GPRC5B: variants seen among roughly 807,000 people sequenced by gnomAD.
The protein encoded by GPRC5B is G protein-coupled receptor family C group 5 member B.
A neutral mutation model predicts 30.1 loss-of-function variants in GPRC5B; 16 were observed. The ratio of observed to expected loss-of-function variants is 0.53; its 90% CI spans 0.36 to 0.81. The LOEUF is 0.81. Among genes scored for constraint, GPRC5B ranks in the 30% least tolerant of loss-of-function variants. The pLI is 0.01. For synonymous variants in GPRC5B, 241 were observed against 239.5 expected, an observed-to-expected ratio of 1.01 and a Z score of -0.06; for missense variants, 428 against 544.7, an observed-to-expected ratio of 0.79 and a Z score of 2.13.
intron 2 of GPRC5B, among the ~76,000 whole-genome samples, chr16:19,866,825 T>C (rs1361894677): frequency 6.6e-6 from 1 of 152,242 alleles, no homozygotes; most frequent in Non-Finnish European, 1.5e-5. Context: ...GGCTTCGGAA[T>C]GTGTCACTAT....
At chr16:19,879,600 G>A (rs982685925) in intron 1 of GPRC5B, among the ~76,000 whole-genome samples, 1 of 152,086 alleles carries the variant, frequency 6.6e-6, no homozygotes, top group African/African-American at 2.4e-5. Flanking sequence ...AGGCCTGCCC[G>A]GAGGCTACAC....
rs1192984018 is a variant in GPRC5B, at chr16:19,857,848, G to A, written c.*2652C>T. ...CACAGAACTTCCCAGTTTGTAAGCT[G>A]TCAGAGCTGACTCCCTTCTCTTCCC... On this transcript the variant is annotated 3_prime_UTR_variant, in exon 4 of 4. Coordinates refer to ENST00000300571, the MANE Select transcript of GPRC5B (RefSeq NM_016235.3). 6.5e-6 allele frequency: 1 copy of A among 153,516 alleles called. No homozygotes were observed. Among genetic ancestry groups the A allele is most frequent in the African/African-American group, 2.4e-5 (1 of 41,270 alleles). 9.5% of individuals were successfully genotyped at this position (153,516 alleles called of 1,614,324 possible). A position where few individuals can be genotyped will look rare whatever the true frequency, so the allele number is the denominator to read the frequency against.
intron 2 of GPRC5B, among the ~76,000 whole-genome samples, chr16:19,863,038 GT>G (rs1233501419): frequency 6.6e-6 from 1 of 152,192 alleles, no homozygotes; most frequent in Non-Finnish European, 1.5e-5. Context: ...TAGTTATACA[GT>G]TAAGCTTCAC....
chr16:19,858,793 G>A lies in GPRC5B; in HGVS notation c.*1707C>T. On this transcript the variant is annotated 3_prime_UTR_variant, in exon 4 of 4. Coordinates refer to ENST00000300571, the MANE Select transcript of GPRC5B (RefSeq NM_016235.3). ...GGCGGGGTGCTTCCGGGGAGGTCAG[G>A]TGGGGGTGGCATTCTGGGGCCATGC... The A allele has an allele frequency of 2.6e-6, 1 of 380,942 alleles. No individual in the cohort carries two copies. Among genetic ancestry groups the A allele is most frequent in the Non-Finnish European group, 4.6e-6 (1 of 215,396 alleles). 23.6% of individuals were successfully genotyped at this position (380,942 alleles called of 1,614,324 possible). A position where few individuals can be genotyped will look rare whatever the true frequency, so the allele number is the denominator to read the frequency against.
Position 19,858,699 on chromosome 16 carries a change from T to G in GPRC5B, c.*1801A>C. 1 of 443,754 alleles carries G rather than the reference T, an allele frequency of 2.3e-6. No homozygotes were observed. The highest frequency in any genetic ancestry group is 5.1e-5 in the South Asian group (1 of 19,616). 27.5% of individuals were successfully genotyped at this position (443,754 alleles called of 1,614,324 possible). A position where few individuals can be genotyped will look rare whatever the true frequency, so the allele number is the denominator to read the frequency against. Reference sequence around the variant, plus strand: ...ATTCCCTCCCACCCCTCCCCAGGACTCTTACGTTTTCTGTCCACGCAATGA... The same window carrying G: ...ATTCCCTCCCACCCCTCCCCAGGACGCTTACGTTTTCTGTCCACGCAATGA... On this transcript the variant is annotated 3_prime_UTR_variant, in exon 4 of 4. Transcript: ENST00000300571.
intron 1 of GPRC5B, among the ~76,000 whole-genome samples, chr16:19,883,893 T>G (rs1307878258): frequency 6.6e-6 from 1 of 152,140 alleles, no homozygotes; most frequent in Non-Finnish European, 1.5e-5. Flanking sequence ...CCAAGGCGGG[T>G]GCGGGCTCCT....
At chr16:19,885,308 C>A, upstream of GPRC5B, 1 of 1,253,272 alleles carries the variant, frequency 8.0e-7, no homozygotes. This position sits in a 1 kb window ranked among gnomAD's most constrained non-coding sequence, Gnocchi z 5.3. Flanking sequence ...AACACACCAG[C>A]ACCAGGTCCA....
Position 19,858,883 on chromosome 16 carries a change from G to A in GPRC5B, c.*1617C>T, listed in dbSNP as rs1421951165. The A allele has an allele frequency of 4.5e-6, 1 of 224,038 alleles. No homozygotes were observed. The highest frequency in any genetic ancestry group is 2.3e-5 in the African/African-American group (1 of 44,216). 13.9% of individuals were successfully genotyped at this position (224,038 alleles called of 1,614,324 possible). On this transcript the variant is annotated 3_prime_UTR_variant, in exon 4 of 4. Coordinates refer to ENST00000300571, the MANE Select transcript of GPRC5B (RefSeq NM_016235.3). Reference sequence around the variant, plus strand: ...AACTGTTAAGGAAAACTCGAAGGCGGGTCACACAGGGAGGGCCAGATTGGC... The same window carrying A: ...AACTGTTAAGGAAAACTCGAAGGCGAGTCACACAGGGAGGGCCAGATTGGC...
intron 2 of GPRC5B, among the ~76,000 whole-genome samples, chr16:19,863,491 CTTTTTTTTTTTTTT>C (rs10541805): frequency 4.9e-5 from 4 of 82,276 alleles, no homozygotes; most frequent in Middle Eastern, 6.4e-3. Flanking sequence ...AATCTGTGTT[CTTTTTTTTTTTTTT>C]TTTTTTTTTG....
At position 19,872,936 on chromosome 16, in the gene GPRC5B, G is replaced by T; in HGVS notation, c.-1-90C>A. On this transcript the variant is annotated intron_variant, in intron 1 of 3. Coordinates refer to ENST00000300571, the MANE Select transcript of GPRC5B (RefSeq NM_016235.3). This position sits in a 1 kb window ranked among gnomAD's most constrained non-coding sequence, Gnocchi z 5.0. ...TCTCCTGACTTCTTGAAGAAGACTC[G>T]CCTCATTTCAAACCTGCAAGCGCAC... 2.1e-6 allele frequency: 2 copies of T among 940,930 alleles called. No homozygotes were observed. The highest frequency in any genetic ancestry group is 3.3e-6 in the Non-Finnish European group (2 of 613,048). The allele number at this position is 940,930 out of a possible 1,614,324, so 58.3% of individuals were successfully genotyped here. A position where few individuals can be genotyped will look rare whatever the true frequency, so the allele number is the denominator to read the frequency against.
chr16:19,883,589 T>TC (rs1428148207), intron 1 of GPRC5B, among the ~76,000 whole-genome samples: 1 of 152,160 alleles, frequency 6.6e-6, no homozygotes, highest in African/African-American at 2.4e-5. Flanking sequence ...CTTTGCGGGG[T>TC]CCCCCAGGGC....
chr16:19,865,783 T>C (rs1409381827), intron 2 of GPRC5B, among the ~76,000 whole-genome samples: 1 of 152,198 alleles, frequency 6.6e-6, no homozygotes, highest in African/African-American at 2.4e-5. Context: ...GTTACCTCTG[T>C]AACATTGATT....
In GPRC5B at chr16:19,859,359, C is replaced by G. The variant is rs112989312; in HGVS notation, c.*1141G>C. Reference sequence around the variant, plus strand: ...TTGGAAAAGGGCTGTTTTCATGGAACCTGCAGAAAAACCAAAACAAAATAT... The same window carrying G: ...TTGGAAAAGGGCTGTTTTCATGGAAGCTGCAGAAAAACCAAAACAAAATAT... On this transcript the variant is annotated 3_prime_UTR_variant, in exon 4 of 4. Transcript: ENST00000300571. The G allele has an allele frequency of 6.6e-6, 1 of 152,242 alleles. No individual in the cohort carries two copies. The highest frequency in any genetic ancestry group is 1.5e-5 in the Non-Finnish European group (1 of 67,812). The allele number at this position is 152,242 out of a possible 1,614,324, so 9.4% of individuals were successfully genotyped here. A position where few individuals can be genotyped will look rare whatever the true frequency, so the allele number is the denominator to read the frequency against.
intron 1 of GPRC5B, among the ~76,000 whole-genome samples, chr16:19,883,103 A>T (rs552027723): frequency 6.6e-6 from 1 of 152,204 alleles, no homozygotes; most frequent in Admixed American, 6.5e-5. Flanking sequence ...GGGTTTGTTT[A>T]ATGTTTGTCC....
chr16:19,863,687 G>C lies in GPRC5B; in HGVS notation c.1031-1714C>G, dbSNP rs12926051. 2.4e-4 allele frequency among the ~76,000 whole-genome samples: 37 copies of C among 152,008 alleles called. No individual in the cohort carries two copies. The East Asian group carries it at 7.0e-3, about 29-fold the overall frequency. On this transcript the variant is annotated intron_variant, in intron 2 of 3. Transcript: ENST00000300571. ...CCAGCTAATTTTTGTGTTTTTAGTA[G>C]AGACAGGGTTTCACCATGTTGGCCA...
At chr16:19,862,054 G>A (rs769875759) in intron 2 of GPRC5B, 81 bp from the exon 3 acceptor site, 34 of 1,354,336 alleles carry the variant, frequency 2.5e-5, no homozygotes, top group Non-Finnish European at 3.3e-5. Flanking sequence ...ACAACAGCGC[G>A]CTCCGGGCAC....
At chr16:19,862,038 C>A in intron 2 of GPRC5B, 65 bp from the exon 3 acceptor site, 1 of 1,536,304 alleles carries the variant, frequency 6.5e-7, no homozygotes, top group Non-Finnish European at 9.0e-7. Context: ...GTTTTCTTCC[C>A]CTGCAACAAC....
At position 19,858,195 on chromosome 16, in the gene GPRC5B, AG is replaced by A. The variant is rs1567205325; in HGVS notation, c.*2304del. 6.7e-6 allele frequency: 2 copies of A among 296,548 alleles called. No homozygotes were observed. The allele number at this position is 296,548 out of a possible 1,614,324, so 18.4% of individuals were successfully genotyped here. On this transcript the variant is annotated 3_prime_UTR_variant, in exon 4 of 4. Coordinates refer to ENST00000300571, the MANE Select transcript of GPRC5B (RefSeq NM_016235.3). ...CTTTTCAGGTGTAGTCATTAGAAAAAGAACAGCTCTCTCCCTTCTCCTCTCA... is the reference window on the plus strand; with the variant it reads ...CTTTTCAGGTGTAGTCATTAGAAAAAAACAGCTCTCTCCCTTCTCCTCTCA...
intron 1 of GPRC5B, among the ~76,000 whole-genome samples, chr16:19,876,875 T>C (rs1488858365): frequency 1.3e-5 from 2 of 152,248 alleles, no homozygotes; most frequent in Non-Finnish European, 2.9e-5. Context: ...CTTGGAGAGC[T>C]ACCTTGCGTC....
Sources: gnomAD v4.1 joint callset for allele counts (sites outside exome capture counted in the v4.1 genomes callset) on GRCh38, gnomAD v4.1.1 for gene constraint, Gnocchi (gnomAD v3.1) non-coding constraint, MANE v1.5 for transcripts, NCBI Gene and HGNC (gene_info 2026-07-23, HGNC 2026-07-21) for gene names.